FOXA2: variants seen among roughly 807,000 people sequenced by gnomAD.
FOXA2 encodes forkhead box A2.
In FOXA2, 9 loss-of-function variants were observed where a neutral mutation model predicts 33.3. That is an observed-to-expected ratio of 0.27 (90% CI 0.16 to 0.47). The LOEUF (loss-of-function observed/expected upper bound fraction) is 0.47, where lower values mean the gene tolerates loss of function less well. Among genes scored for constraint, FOXA2 ranks in the 20% least tolerant of loss-of-function variants. The pLI is 0.99. For synonymous variants in FOXA2, 329 were observed against 289.4 expected (o/e 1.14, Z -1.39); for missense variants, 704 against 659.9 (o/e 1.07, Z -0.73).
chr20:22,584,930 G>A (rs1984726450), upstream of FOXA2, among the ~76,000 whole-genome samples: 1 of 152,222 alleles, frequency 6.6e-6, no homozygotes, highest in African/African-American at 2.4e-5. Context: ...ACTCCTGGGC[G>A]GGCCAGGGGA....
At chr20:22,584,165 T>C (rs764708032) in intron 1 of FOXA2, 27 bp downstream of exon 1, 13 of 1,609,210 alleles carry the variant, frequency 8.1e-6, no homozygotes, top group Non-Finnish European at 8.5e-6. Context: ...GCCGCTCCAC[T>C]TCCCCCTGGA....
upstream of FOXA2, among the ~76,000 whole-genome samples, chr20:22,584,754 G>A (rs1568718108): frequency 6.6e-6 from 1 of 151,814 alleles, no homozygotes; most frequent in Non-Finnish European, 1.5e-5. Context: ...CAGTGACGTG[G>A]GAGGCTGGTG....
chr20:22,582,149 G>A lies in FOXA2; in HGVS notation c.1093C>T (p.Pro365Ser). 2 of 1,569,842 alleles carry A rather than the reference G, an allele frequency of 1.3e-6. No individual in the cohort carries two copies. The highest frequency in any genetic ancestry group is 8.6e-7 in the Non-Finnish European group (1 of 1,156,934). ...TCCGGCTTCAGGTGGGCCTCAGGCG[G>A]CAGGCCCGGGTGGTGGGGCGGGCCC... Reference protein sequence around the residue: ...LLGPPHHPGLPPEAHLKPEHH... With the variant: ...LLGPPHHPGLSPEAHLKPEHH... Residue 365 changes from proline (P) to serine (S), a missense_variant, in exon 2 of 2, where the codon CCG becomes TCG. Physicochemically the swap from Pro to Ser is moderately conservative, Grantham distance 74 (BLOSUM62 -1). Transcript: ENST00000419308.
rs1600431881 is a variant in FOXA2, at chr20:22,581,160, A to G, written c.*690T>C. The G allele has an allele frequency of 2.0e-5, 3 of 152,748 alleles. No homozygotes were observed. The East Asian group carries it at 5.8e-4, about 29-fold the overall frequency. The allele number at this position is 152,748 out of a possible 1,614,324, so 9.5% of individuals were successfully genotyped here. On this transcript the variant is annotated 3_prime_UTR_variant, in exon 2 of 2. Transcript: ENST00000419308. ...TGTAAGCCAAGTAAAGAAAAGAAAA[A>G]TCTGGAAGAAAAGATTCAAGGGATA...
At chr20:22,584,144 G>A in intron 1 of FOXA2, 48 bp downstream of exon 1, 1 of 1,572,792 alleles carries the variant, frequency 6.4e-7, no homozygotes, top group Admixed American at 1.7e-5. Flanking sequence ...GTTGGGGAAG[G>A]AGCGAGCGCC....
Position 22,582,930 on chromosome 20 carries a change from GCCGGCCGCC to G in FOXA2, c.303_311del (p.Ala102_Gly104del). The G allele has an allele frequency of 6.6e-7, 1 of 1,523,664 alleles. No homozygotes were observed. The highest frequency in any genetic ancestry group is 8.8e-7 in the Non-Finnish European group (1 of 1,140,802). 94.4% of individuals were successfully genotyped at this position (1,523,664 alleles called of 1,614,324 possible). ...TCAAGTGCGGCCCCATGCCCGCCAC[GCCGGCCGCC>G]CCGGCCGAGCCGCCCATGCCCGCCA... is the stretch of plus-strand genomic sequence containing the variant. On this transcript the variant is annotated inframe_deletion, in exon 2 of 2. Coordinates refer to ENST00000419308, the MANE Select transcript of FOXA2 (RefSeq NM_021784.5).
chr20:22,582,001 A>G lies in FOXA2; in HGVS notation c.1241T>C (p.Val414Ala). The G allele has an allele frequency of 6.2e-7, 1 of 1,614,084 alleles. No individual in the cohort carries two copies. Among genetic ancestry groups the G allele is most frequent in the South Asian group, 1.1e-5 (1 of 91,078 alleles). The change falls in exon 2 of 2, where the codon GTG (valine) becomes GCG (alanine). Residue 414 changes from valine (V) to alanine (A), a missense_variant. Physicochemically the swap from Val to Ala is moderately conservative, Grantham distance 64. Around this residue, in one of 5 missense-constraint regions of FOXA2, gnomAD observed 343 missense variants for 274.8 expected, o/e 1.25. Transcript: ENST00000419308. Reference protein sequence around the residue: ...HKMDLKAYEQVMHYPGYGSPM... With the variant: ...HKMDLKAYEQAMHYPGYGSPM... Reference sequence around the variant, plus strand: ...GGAACCGTAGCCGGGGTAGTGCATCACCTGTTCGTAGGCCTTGAGGTCCAT... The same window carrying G: ...GGAACCGTAGCCGGGGTAGTGCATCGCCTGTTCGTAGGCCTTGAGGTCCAT...
chr20:22,584,518 A>T lies in FOXA2; in HGVS notation c.-240T>A, dbSNP rs1198093807. The T allele has an allele frequency of 4.0e-6, 2 of 497,734 alleles. No homozygotes were observed. The highest frequency in any genetic ancestry group is 7.2e-6 in the Non-Finnish European group (2 of 279,168). The allele number at this position is 497,734 out of a possible 1,614,324, so 30.8% of individuals were successfully genotyped here. On this transcript the variant is annotated 5_prime_UTR_variant, in exon 1 of 2. Transcript: ENST00000419308. Reference sequence around the variant, plus strand: ...CCCAGGCCAGCGCCCCGCGGTAGGGAGCACCCGCCGCCGCCGCGCTCACGG... The same window carrying T: ...CCCAGGCCAGCGCCCCGCGGTAGGGTGCACCCGCCGCCGCCGCGCTCACGG...
intron 1 of FOXA2, 67 bp downstream of exon 1, chr20:22,584,125 G>C (rs978999086): frequency 6.7e-6 from 10 of 1,483,182 alleles, no homozygotes; most frequent in East Asian, 2.3e-5. Flanking sequence ...CGAGGGAAGC[G>C]GTCCTGAGGT....
At position 22,581,690 on chromosome 20, in the gene FOXA2, A is replaced by G. The variant is rs2122989972; in HGVS notation, c.*160T>C. ...GACGGAACGGCTGCAGCGGGTGAAG[A>G]AGACTGCTGTCTTGGGGGTGTTGGG... On this transcript the variant is annotated 3_prime_UTR_variant, in exon 2 of 2. Transcript: ENST00000419308. 1.5e-6 allele frequency: 1 copy of G among 656,526 alleles called. No individual in the cohort carries two copies. Among genetic ancestry groups the G allele is most frequent in the East Asian group, 2.7e-5 (1 of 36,962 alleles). 40.7% of individuals were successfully genotyped at this position (656,526 alleles called of 1,614,324 possible).
Position 22,582,958 on chromosome 20 carries a change from C to A in FOXA2, c.284G>T (p.Gly95Val), listed in dbSNP as rs749328515. 4 of 1,597,324 alleles carry A rather than the reference C, an allele frequency of 2.5e-6. No individual in the cohort carries two copies. The highest frequency in any genetic ancestry group is 3.4e-6 in the Non-Finnish European group (4 of 1,175,222). The change falls in exon 2 of 2, where the codon GGC becomes GTC. Residue 95 changes from glycine (G) to valine (V), a missense_variant. Physicochemically the swap from Gly to Val is moderately radical, Grantham distance 109. Coordinates refer to ENST00000419308, the MANE Select transcript of FOXA2 (RefSeq NM_021784.5). Reference protein sequence around the residue: ...GMSPGAGAMAGMGGSAGAAGV... With the variant: ...GMSPGAGAMAVMGGSAGAAGV... ...GGCCGCCCCGGCCGAGCCGCCCATGCCCGCCATGGCGCCCGCGCCGGGGGA... is the reference window on the plus strand; with the variant it reads ...GGCCGCCCCGGCCGAGCCGCCCATGACCGCCATGGCGCCCGCGCCGGGGGA...
chr20:22,585,000 G>T (rs1984728560), upstream of FOXA2, among the ~76,000 whole-genome samples: 1 of 152,034 alleles, frequency 6.6e-6, no homozygotes. Context: ...TTCCTCCCGG[G>T]TCCACAGCGA....
Position 22,582,558 on chromosome 20 carries a change from G to A in FOXA2, c.684C>T (p.Arg228=), listed in dbSNP as rs918153891. 3.1e-6 allele frequency: 5 copies of A among 1,614,056 alleles called. No individual in the cohort carries two copies. The Admixed American group carries it at 6.7e-5, about 22-fold the overall frequency. ...AGCCCTTGCCGGGCTTGTCGGGCGA[G>A]CGGGGCACCTTCAGGAAACAGTCGT... is the stretch of plus-strand genomic sequence containing the variant. ...SFNDCFLKVP[R]SPDKPGKGSF... The change falls in exon 2 of 2, where the codon CGC becomes CGT. Residue 228 remains arginine (R), a synonymous_variant. Coordinates refer to ENST00000419308, the MANE Select transcript of FOXA2 (RefSeq NM_021784.5).
chr20:22,584,741 C>G (rs1046690809), upstream of FOXA2, among the ~76,000 whole-genome samples: 6 of 151,472 alleles, frequency 4.0e-5, no homozygotes, highest in African/African-American at 1.5e-4. Context: ...CGGACAAGTG[C>G]CGCAGTGACG....
rs763214832 is a variant in FOXA2, at chr20:22,582,801, G to A, written c.441C>T (p.Gly147=). ...TCTTGGGGTCGCGGGCGCGGCTCAG[G>A]CCCGCCTGCCCGTACATGGGGCTCA... The part of the protein sequence containing the change: ...NSMSPMYGQA[G]LSRARDPKTY... The change falls in exon 2 of 2, where the codon GGC becomes GGT. Residue 147 remains glycine, a synonymous_variant. Transcript: ENST00000419308. 23 of 1,613,496 alleles carry A rather than the reference G, an allele frequency of 1.4e-5. No individual in the cohort carries two copies. Among genetic ancestry groups the A allele is most frequent in the African/African-American group, 2.7e-5 (2 of 74,916 alleles).
Position 22,581,740 on chromosome 20 carries a change from C to T in FOXA2, c.*110G>A, listed in dbSNP as rs72470557. The T allele has an allele frequency of 1.6e-3, 1,647 of 1,018,866 alleles. 22 individuals are homozygous for T. The African/African-American group carries it at 0.024, about 15-fold the overall frequency. 63.1% of individuals were successfully genotyped at this position (1,018,866 alleles called of 1,614,324 possible). On this transcript the variant is annotated 3_prime_UTR_variant, in exon 2 of 2. Coordinates refer to ENST00000419308, the MANE Select transcript of FOXA2 (RefSeq NM_021784.5). ...GGTGGGGGTGTTATGGATTTCTTCT[C>T]CCTTGCGTCTCTGCAACACCGTCTC...
In FOXA2 at chr20:22,583,010, C is replaced by T; in HGVS notation, c.232G>A (p.Gly78Ser). The stretch of plus-strand genomic sequence containing the variant: ...ATCCCCGCCAGGGACGGGCTCATGC[C>T]AGCGCCCACGTACGACGACATGTTC... The part of the protein sequence containing the change: ...SMNMSSYVGA[G>S]MSPSLAGMSP... The change falls in exon 2 of 2, where the codon GGC becomes AGC. Residue 78 changes from glycine to serine, a missense_variant. By Grantham distance (56) the Gly-to-Ser change is moderately conservative. This residue lies in a region of FOXA2 where 304 missense variants were observed against 251.7 expected (regional missense o/e 1.21). Coordinates refer to ENST00000419308, the MANE Select transcript of FOXA2 (RefSeq NM_021784.5). 1 of 1,608,968 alleles carries T rather than the reference C, an allele frequency of 6.2e-7. No homozygotes were observed. Among genetic ancestry groups the T allele is most frequent in the Non-Finnish European group, 8.5e-7 (1 of 1,179,316 alleles).
Position 22,582,380 on chromosome 20 carries a change from C to T in FOXA2, c.862G>A (p.Ala288Thr), listed in dbSNP as rs763384130. The change falls in exon 2 of 2, where the codon GCC becomes ACC. Residue 288 changes from alanine to threonine, a missense_variant. Physicochemically the swap from Ala to Thr is moderately conservative, Grantham distance 58 (BLOSUM62 0). Around this residue, in one of 5 missense-constraint regions of FOXA2, gnomAD observed 343 missense variants for 274.8 expected, o/e 1.25. Transcript: ENST00000419308. ...SGKKAAAGAQ[A>T]SQAQLGEAAG... ...GCCTCCCCGAGTTGAGCCTGTGAGGCCTGGGCTCCGGCGGCCGCCTTCTTG... is the reference window on the plus strand; with the variant it reads ...GCCTCCCCGAGTTGAGCCTGTGAGGTCTGGGCTCCGGCGGCCGCCTTCTTG... 3.3e-6 allele frequency: 5 copies of T among 1,534,052 alleles called. No homozygotes were observed. The South Asian group carries it at 6.4e-5, about 19-fold the overall frequency.
At position 22,584,322 on chromosome 20, in the gene FOXA2, C is replaced by T. The variant is rs575184474; in HGVS notation, c.-44G>A. On this transcript the variant is annotated 5_prime_UTR_variant, in exon 1 of 2. The change creates a new upstream start codon in the 5' untranslated region. Coordinates refer to ENST00000419308, the MANE Select transcript of FOXA2 (RefSeq NM_021784.5). ...AGCCACAACAAACGACCAGCAATCA[C>T]CCCCCACCCCCACCCTCTTTTAAAA... 904 of 1,504,972 alleles carry T rather than the reference C, an allele frequency of 6.0e-4. 6 individuals are homozygous for T. The highest frequency in any genetic ancestry group is 6.0e-3 in the South Asian group (522 of 87,352). The allele number at this position is 1,504,972 out of a possible 1,614,324, so 93.2% of individuals were successfully genotyped here.
Sources: gnomAD v4.1 joint callset for allele counts (sites outside exome capture counted in the v4.1 genomes callset) on GRCh38, gnomAD v4.1.1 for gene constraint, gnomAD v4.1.1 regional missense constraint, MANE v1.5 for transcripts, NCBI Gene and HGNC (gene_info 2026-07-23, HGNC 2026-07-21) for gene names.